Variants in PCDHA1 observed in about 807,000 individuals in gnomAD.
PCDHA1 encodes the protein protocadherin alpha 1, also known as protocadherin alpha-1.
A neutral mutation model predicts 61.3 loss-of-function variants in PCDHA1; 42 were observed. The ratio of observed to expected loss-of-function variants is 0.69; its 90% CI spans 0.54 to 0.89. PCDHA1 has a LOEUF of 0.89. PCDHA1 is among the 40% of genes least tolerant of loss of function. The pLI is 0.00. For missense variants in PCDHA1, 1,256 were observed against 1,235.3 expected (o/e 1.02, Z -0.25); for synonymous variants, 610 against 553.8 (o/e 1.10, Z -1.43).
At chr5:140,953,996 T>C (rs989520486) in intron 1 of PCDHA1, among the ~76,000 whole-genome samples, 1 of 152,158 alleles carries the variant, frequency 6.6e-6, no homozygotes, top group African/African-American at 2.4e-5. Context: ...TCATGTGTAC[T>C]CATCATTCAG....
At chr5:140,941,048 T>C (rs1157859382) in intron 1 of PCDHA1, among the ~76,000 whole-genome samples, 1 of 152,138 alleles carries the variant, frequency 6.6e-6, no homozygotes, top group African/African-American at 2.4e-5. Context: ...CAAGTCAAAT[T>C]CCCCAGCAGT....
chr5:140,795,154 T>C lies in PCDHA1; in HGVS notation c.2394+6470T>C, dbSNP rs782789633. ...GCTGGAGGAGCTGGTGCCGCGCCTGTTCCGGGTGGCGTCCAAAAGACACGG... is the reference window on the plus strand; with the variant it reads ...GCTGGAGGAGCTGGTGCCGCGCCTGCTCCGGGTGGCGTCCAAAAGACACGG... On this transcript the variant is annotated intron_variant, in intron 1 of 3. Transcript: ENST00000504120. The C allele has an allele frequency of 4.3e-6, 7 of 1,614,048 alleles. No individual in the cohort carries two copies. The South Asian group carries it at 7.7e-5, about 18-fold the overall frequency.
At chr5:140,827,441 C>T (rs1769294001) in intron 1 of PCDHA1, among the ~76,000 whole-genome samples, 2 of 152,198 alleles carry the variant, frequency 1.3e-5, no homozygotes, top group Non-Finnish European at 2.9e-5. Context: ...CATCATTACA[C>T]AGAAGAACCT....
At chr5:140,856,648 T>C in intron 1 of PCDHA1, 1 of 1,598,290 alleles carries the variant, frequency 6.3e-7, no homozygotes, top group Non-Finnish European at 8.6e-7. Context: ...AGCTGCTGGA[T>C]CGTGAAGAAA....
intron 1 of PCDHA1, among the ~76,000 whole-genome samples, chr5:140,964,926 A>G (rs2095863338): frequency 6.6e-6 from 1 of 152,212 alleles, no homozygotes; most frequent in African/African-American, 2.4e-5. Flanking sequence ...CTGGCTAGGT[A>G]GTGGAGCATT....
At chr5:140,837,594 T>C (rs910412595) in intron 1 of PCDHA1, among the ~76,000 whole-genome samples, 2 of 151,720 alleles carry the variant, frequency 1.3e-5, no homozygotes, top group Admixed American at 6.6e-5. Flanking sequence ...AAATCGCCAA[T>C]ATATATATTT....
intron 1 of PCDHA1, among the ~76,000 whole-genome samples, chr5:140,937,417 A>T (rs1226073587): frequency 5.3e-5 from 8 of 152,154 alleles, no homozygotes; most frequent in African/African-American, 1.9e-4. Context: ...CTTTTATTAG[A>T]TAGCTGATAT....
At chr5:140,862,972 C>T (rs1554157331) in intron 1 of PCDHA1, 1 of 545,254 alleles carries the variant, frequency 1.8e-6, no homozygotes, top group Non-Finnish European at 3.6e-6. Flanking sequence ...ATGCAGGCCA[C>T]TTGGTGGCGA....
chr5:140,883,171 A>G, intron 1 of PCDHA1: 7 of 1,614,008 alleles, frequency 4.3e-6, no homozygotes, highest in Non-Finnish European at 5.9e-6. Flanking sequence ...ACAATGGAGA[A>G]ATTAGGACAA....
At chr5:140,992,416 C>T (rs3776107) in intron 3 of PCDHA1, among the ~76,000 whole-genome samples, 9,821 of 152,168 alleles carry the variant, frequency 0.065, 355 homozygotes, top group East Asian at 0.12. Context: ...TGCCCCAGGT[C>T]TAAGAATATT....
intron 1 of PCDHA1, chr5:140,870,778 G>T: frequency 1.2e-6 from 2 of 1,613,620 alleles, no homozygotes; most frequent in South Asian, 1.1e-5. Context: ...GGACGAGAAC[G>T]ACAACGCGCC....
intron 1 of PCDHA1, among the ~76,000 whole-genome samples, chr5:140,789,223 G>A (rs1332773103): frequency 1.3e-5 from 2 of 152,196 alleles, no homozygotes; most frequent in African/African-American, 4.8e-5. Context: ...GCCGAGGAGG[G>A]CGTATCACCT....
chr5:140,788,465 G>A lies in PCDHA1; in HGVS notation c.2175G>A (p.Val725=), dbSNP rs1289413107. 1.9e-6 allele frequency: 3 copies of A among 1,614,032 alleles called. No homozygotes were observed. In the African/African-American group the frequency reaches 4.0e-5, roughly 22 times the overall value. The change falls in exon 1 of 4, where the codon GTG becomes GTA. Residue 725 remains valine (V), a synonymous_variant. Coordinates refer to ENST00000504120, the MANE Select transcript of PCDHA1 (RefSeq NM_018900.4). ...LLLYTALRCS[V]PPTEGAYVPG... is the part of the protein sequence containing the mutation. Reference sequence around the variant, plus strand: ...TGTACACGGCGCTGCGGTGCTCAGTGCCGCCCACTGAGGGTGCGTATGTGC... The same window carrying A: ...TGTACACGGCGCTGCGGTGCTCAGTACCGCCCACTGAGGGTGCGTATGTGC...
intron 1 of PCDHA1, among the ~76,000 whole-genome samples, chr5:140,941,304 C>T (rs1477431460): frequency 4.7e-5 from 4 of 84,830 alleles, no homozygotes; most frequent in African/African-American, 8.5e-5. Flanking sequence ...TTCTTTCTTT[C>T]TTTTTCTTCT....
intron 1 of PCDHA1, among the ~76,000 whole-genome samples, chr5:140,895,467 T>A (rs1201680855): frequency 6.6e-6 from 1 of 152,204 alleles, no homozygotes. Flanking sequence ...CATTTCTTTA[T>A]CCTCTTCGGA....
At chr5:140,965,521 G>A (rs1554227745) in intron 1 of PCDHA1, among the ~76,000 whole-genome samples, 2 of 150,836 alleles carry the variant, frequency 1.3e-5, no homozygotes, top group East Asian at 3.9e-4. Flanking sequence ...TAACTGCAAA[G>A]CATTAATGGA....
intron 1 of PCDHA1, among the ~76,000 whole-genome samples, chr5:140,970,479 G>A (rs782054417): frequency 1.3e-4 from 20 of 152,160 alleles, no homozygotes; most frequent in Admixed American, 8.5e-4. Context: ...AGGCCAGCTT[G>A]TTCATTATTA....
chr5:140,854,175 A>AAAAGAGT, intron 1 of PCDHA1: 1 of 674,398 alleles, frequency 1.5e-6, no homozygotes, highest in Non-Finnish European at 1.8e-6. Context: ...AAAAAAAAAA[A>AAAAGAGT]AGAGTAGTTT....
intron 1 of PCDHA1, among the ~76,000 whole-genome samples, chr5:140,978,488 C>T (rs1453613410): frequency 6.6e-6 from 1 of 152,224 alleles, no homozygotes; most frequent in Non-Finnish European, 1.5e-5. Flanking sequence ...TCTGCAAAGC[C>T]AGCAGCAGAT....
Sources: gnomAD v4.1 joint callset for allele counts (sites outside exome capture counted in the v4.1 genomes callset) on GRCh38, gnomAD v4.1.1 for gene constraint, MANE v1.5 for transcripts, NCBI Gene and HGNC (gene_info 2026-07-23, HGNC 2026-07-21) for gene names.